PALLD: variants seen among roughly 807,000 people sequenced by gnomAD.
The protein encoded by PALLD is palladin.
PALLD carries 61 observed loss-of-function variants against 123.5 expected under a neutral mutation model. The ratio of observed to expected loss-of-function variants is 0.49; its 90% confidence interval spans 0.40 to 0.61. The LOEUF is 0.61. PALLD is among the 20% of genes least tolerant of loss of function. PALLD has a pLI of 0.00. For synonymous variants in PALLD, 465 were observed against 496.4 expected, an observed-to-expected ratio of 0.94 and a Z score of 0.84; for missense variants, 1,273 against 1,377.0, an observed-to-expected ratio of 0.92 and a Z score of 1.20.
At chr4:168,715,928 T>C (rs954529645) in intron 10 of PALLD, among the ~76,000 whole-genome samples, 12 of 151,242 alleles carry the variant, frequency 7.9e-5, no homozygotes, top group African/African-American at 2.9e-4. Flanking sequence ...CCACCCTGGG[T>C]GACAGAGCGA....
rs1362421890 is a variant in PALLD at position 168,926,260 on chromosome 4, C to G, written c.*80C>G. On this transcript the variant is annotated 3_prime_UTR_variant, in exon 22 of 22. Transcript: ENST00000505667. The stretch of plus-strand genomic sequence containing the variant: ...GAGCACCAAGCCAAAAAAAGTACGG[C>G]CCTCAGCCAGTCGCTATGCAGCACT... 1.3e-6 allele frequency: 2 copies of G among 1,536,964 alleles called. No homozygotes were observed. The highest frequency in any genetic ancestry group is 3.9e-5 in the Admixed American group (2 of 50,982).
At chr4:168,646,629 C>G (rs1476634946) in intron 2 of PALLD, among the ~76,000 whole-genome samples, 1 of 152,178 alleles carries the variant, frequency 6.6e-6, no homozygotes, top group Admixed American at 6.5e-5. Flanking sequence ...AGATCTGGCC[C>G]ACAGCCACCA....
In PALLD at chr4:168,903,795, G is replaced by C; in HGVS notation, c.2511G>C (p.Lys837Asn). The change falls in exon 15 of 22, where the codon AAG (lysine) becomes AAC (asparagine). Residue 837 changes from lysine (K) to asparagine (N), a missense_variant. By Grantham distance (94) the Lys-to-Asn change is moderately conservative. Around this residue, in one of 2 missense-constraint regions of PALLD, gnomAD observed 329 missense variants for 422.5 expected, o/e 0.78. Coordinates refer to ENST00000505667, the MANE Select transcript of PALLD (RefSeq NM_001166108.2). ...WFKDGKQISP[K>N]SDHYTIQRDL... Reference sequence around the variant, plus strand: ...AAGATGGGAAGCAGATCTCTCCAAAGAGTGATCACTACACCATTCAAAGAG... The same window carrying C: ...AAGATGGGAAGCAGATCTCTCCAAACAGTGATCACTACACCATTCAAAGAG... 1 of 1,612,242 alleles carries C rather than the reference G, an allele frequency of 6.2e-7. No homozygotes were observed. Among genetic ancestry groups the C allele is most frequent in the Non-Finnish European group, 8.5e-7 (1 of 1,178,372 alleles).
intron 10 of PALLD, among the ~76,000 whole-genome samples, chr4:168,715,887 C>T (rs1002647877): frequency 3.9e-5 from 6 of 151,906 alleles, no homozygotes; most frequent in East Asian, 1.9e-4. Context: ...AGGGCGGAGC[C>T]TGCAGTGAGC....
intron 11 of PALLD, among the ~76,000 whole-genome samples, chr4:168,891,445 G>C (rs1328579406): frequency 6.6e-6 from 1 of 152,216 alleles, no homozygotes; most frequent in Non-Finnish European, 1.5e-5. Context: ...ACAGATGTGA[G>C]CCACTGCACA....
At chr4:168,666,503 C>T (rs1221904782) in intron 2 of PALLD, among the ~76,000 whole-genome samples, 1 of 152,030 alleles carries the variant, frequency 6.6e-6, no homozygotes, top group Non-Finnish European at 1.5e-5. Context: ...GATTAATGAA[C>T]AGGGTAAGGA....
intron 1 of PALLD, among the ~76,000 whole-genome samples, chr4:168,501,434 G>T (rs879647520): frequency 6.6e-6 from 1 of 152,052 alleles, no homozygotes; most frequent in Non-Finnish European, 1.5e-5. Context: ...AGAAGAATGA[G>T]ATATGCCCAG....
intron 10 of PALLD, among the ~76,000 whole-genome samples, chr4:168,776,496 T>C (rs557496117): frequency 1.2e-4 from 19 of 152,352 alleles, no homozygotes; most frequent in African/African-American, 4.6e-4. Context: ...CTGCTATTTA[T>C]TTTTCTTGCC....
intron 10 of PALLD, among the ~76,000 whole-genome samples, chr4:168,753,643 C>T (rs1001420504): frequency 2.6e-5 from 4 of 152,172 alleles, no homozygotes; most frequent in Non-Finnish European, 4.4e-5. Flanking sequence ...TTCCTACGTG[C>T]ACCCTCTCTG....
In PALLD at chr4:168,900,521, A is replaced by C. The variant is rs541892608; in HGVS notation, c.2472+1807A>C. Among the ~76,000 whole-genome samples, 7 of 152,376 alleles carry C rather than the reference A, an allele frequency of 4.6e-5. No homozygotes were observed. In the East Asian group the frequency reaches 1.3e-3, roughly 29 times the overall value. On this transcript the variant is annotated intron_variant, in intron 14 of 21. Coordinates refer to ENST00000505667, the MANE Select transcript of PALLD (RefSeq NM_001166108.2). Reference sequence around the variant, plus strand: ...GCTTAATAGTGGCATAAAATGAAAGAGGGAAAAGTGATAAAAAAATACCTG... The same window carrying C: ...GCTTAATAGTGGCATAAAATGAAAGCGGGAAAAGTGATAAAAAAATACCTG...
At chr4:168,894,919 TCTC>T (rs1286784691) in intron 12 of PALLD, among the ~76,000 whole-genome samples, 14 of 152,238 alleles carry the variant, frequency 9.2e-5, no homozygotes, top group African/African-American at 3.4e-4. Context: ...TCTTGATTAT[TCTC>T]CTTTCCAGTA....
chr4:168,696,864 G>A (rs1783173646), intron 8 of PALLD, among the ~76,000 whole-genome samples: 1 of 152,186 alleles, frequency 6.6e-6, no homozygotes, highest in Non-Finnish European at 1.5e-5. Context: ...GATTCCAGAA[G>A]GAGAGAAGAA....
At chr4:168,837,165 A>G (rs1343298360) in intron 10 of PALLD, among the ~76,000 whole-genome samples, 5 of 152,180 alleles carry the variant, frequency 3.3e-5, no homozygotes, top group African/African-American at 1.2e-4. Flanking sequence ...CTTTGTGACA[A>G]CAGAGGAAAG....
chr4:168,703,251 T>C (rs1278625534), intron 8 of PALLD, among the ~76,000 whole-genome samples: 69 of 144,310 alleles, frequency 4.8e-4, no homozygotes, highest in Non-Finnish European at 4.5e-4. Flanking sequence ...TCATTGTTTA[T>C]GGCTGCATAG....
chr4:168,610,016 C>T (rs748256014), intron 2 of PALLD, among the ~76,000 whole-genome samples: 15 of 152,140 alleles, frequency 9.9e-5, no homozygotes, highest in Non-Finnish European at 2.1e-4. Flanking sequence ...ATCTGTCATT[C>T]GATCCATTTA....
intron 17 of PALLD, among the ~76,000 whole-genome samples, chr4:168,920,869 G>A (rs1041304065): frequency 1.3e-5 from 2 of 152,170 alleles, no homozygotes; most frequent in African/African-American, 4.8e-5. Context: ...AATGCCAGCT[G>A]AGTATTTGTT....
At chr4:168,557,032 T>TTTTGTTTTGTTTTGTTTTG (rs1767387086) in intron 2 of PALLD, among the ~76,000 whole-genome samples, 1 of 150,530 alleles carries the variant, frequency 6.6e-6, no homozygotes, top group Non-Finnish European at 1.5e-5. Flanking sequence ...TTTCCACTTG[T>TTTTGTTTTGTTTTGTTTTG]TTTTGTTTTG....
At chr4:168,755,050 G>A (rs1217431106) in intron 10 of PALLD, among the ~76,000 whole-genome samples, 4 of 152,104 alleles carry the variant, frequency 2.6e-5, no homozygotes, top group African/African-American at 9.7e-5. Flanking sequence ...GGCTAACACG[G>A]TGAAACCCCG....
At chr4:168,925,947 G>A (rs887983241) in intron 21 of PALLD, among the ~76,000 whole-genome samples, 18 of 130,148 alleles carry the variant, frequency 1.4e-4, no homozygotes, top group Admixed American at 1.4e-3. Context: ...AGGATTCCCT[G>A]TGCTGCAGTG....
Sources: gnomAD v4.1 joint callset for allele counts (sites outside exome capture counted in the v4.1 genomes callset) on GRCh38, gnomAD v4.1.1 for gene constraint, gnomAD v4.1.1 regional missense constraint, MANE v1.5 for transcripts, NCBI Gene and HGNC (gene_info 2026-07-23, HGNC 2026-07-21) for gene names.